TSPAN12: variants seen among roughly 807,000 people sequenced by gnomAD.
The protein encoded by TSPAN12 is tetraspanin-12.
In TSPAN12, 19 loss-of-function variants were observed where a neutral mutation model predicts 39.2. That is an observed-to-expected ratio of 0.49 (90% CI 0.34 to 0.71). TSPAN12 has a LOEUF of 0.71. Ranked by LOEUF, TSPAN12 falls within the 30% of genes least tolerant of loss-of-function variation. TSPAN12 has a pLI of 0.01. For synonymous variants in TSPAN12, 119 were observed against 124.8 expected (o/e 0.95, Z 0.31); for missense variants, 314 against 359.9 (o/e 0.87, Z 1.03).
intron 7 of TSPAN12, among the ~76,000 whole-genome samples, chr7:120,799,863 A>G (rs926079742): frequency 7.8e-5 from 11 of 140,308 alleles, no homozygotes; most frequent in African/African-American, 2.6e-4. Context: ...AATAATTAAT[A>G]TGATATATTA....
chr7:120,814,977 T>C (rs932879591), intron 5 of TSPAN12, among the ~76,000 whole-genome samples: 1 of 152,192 alleles, frequency 6.6e-6, no homozygotes, highest in Non-Finnish European at 1.5e-5. Context: ...CAGTCAGCAT[T>C]TTATAAGACT....
intron 7 of TSPAN12, among the ~76,000 whole-genome samples, chr7:120,799,681 A>T (rs1584925175): frequency 9.2e-6 from 1 of 109,234 alleles, no homozygotes; most frequent in Non-Finnish European, 1.7e-5. Context: ...AATTAAATAT[A>T]TATAATTTAA....
chr7:120,857,371 C>CGGGGCGGGGGCGGGGGCG (rs879631766), intron 1 of TSPAN12: 1 of 154,746 alleles, frequency 6.5e-6, no homozygotes, highest in African/African-American at 2.4e-5. Flanking sequence ...ACTGGGGCGG[C>CGGGGCGGGGGCGGGGGCG]GGGGCGGGGG....
At chr7:120,812,211 A>G (rs1793996201) in intron 5 of TSPAN12, among the ~76,000 whole-genome samples, 1 of 152,208 alleles carries the variant, frequency 6.6e-6, no homozygotes, top group South Asian at 2.1e-4. Context: ...GTAATACAAT[A>G]CAATACAACA....
chr7:120,824,909 T>C (rs1328272694), intron 4 of TSPAN12, among the ~76,000 whole-genome samples: 1 of 152,208 alleles, frequency 6.6e-6, no homozygotes, highest in African/African-American at 2.4e-5. Context: ...TTTCAATTAC[T>C]AAGAGCATGT....
At chr7:120,818,913 C>T (rs1026350871) in intron 4 of TSPAN12, among the ~76,000 whole-genome samples, 4 of 151,928 alleles carry the variant, frequency 2.6e-5, no homozygotes, top group Admixed American at 6.6e-5. Flanking sequence ...AATTTTTATC[C>T]GACCTTTCTT....
intron 4 of TSPAN12, among the ~76,000 whole-genome samples, chr7:120,837,564 G>C (rs536928584): frequency 6.6e-6 from 1 of 151,928 alleles, no homozygotes; most frequent in African/African-American, 2.4e-5. Context: ...TGCCTGCCTC[G>C]GCCTCCCAAA....
rs191656437 is a variant in TSPAN12, at chr7:120,807,759, C to T, written c.469-1067G>A. On this transcript the variant is annotated intron_variant, in intron 6 of 7. Coordinates refer to ENST00000222747, the MANE Select transcript of TSPAN12 (RefSeq NM_012338.4). ...AAAGTATTTTGCGTTGTTACACTGG[C>T]CTAAATGTCTGATTTTTAAACAGAA... 1.2e-3 allele frequency among the ~76,000 whole-genome samples: 176 copies of T among 151,950 alleles called. 1 individual carries two copies. The highest frequency in any genetic ancestry group is 2.0e-3 in the Non-Finnish European group (134 of 67,940).
In TSPAN12 at chr7:120,858,071, T is replaced by A. The variant is rs1411830070; in HGVS notation, c.-322A>T. On this transcript the variant is annotated 5_prime_UTR_variant, in exon 1 of 8. Transcript: ENST00000222747. ...GCTAAGCCACCTCCCAGCGCCGCTG[T>A]CCCTCCCAAGTCCTCTCCGAGTCCG... 1 of 151,118 alleles carries A rather than the reference T, an allele frequency of 6.6e-6. No individual in the cohort carries two copies. Among genetic ancestry groups the A allele is most frequent in the Non-Finnish European group, 1.5e-5 (1 of 68,014 alleles). 9.4% of individuals were successfully genotyped at this position (151,118 alleles called of 1,614,324 possible).
intron 4 of TSPAN12, among the ~76,000 whole-genome samples, chr7:120,825,417 AT>A (rs1794268055): frequency 1.3e-5 from 2 of 152,198 alleles, no homozygotes; most frequent in Non-Finnish European, 1.5e-5. Flanking sequence ...ACTAAAAGTT[AT>A]TTCAAAATAT....
intron 5 of TSPAN12, 111 bp from the exon 6 acceptor site, chr7:120,810,681 TCTA>T: frequency 1.4e-6 from 1 of 731,556 alleles, no homozygotes; most frequent in East Asian, 2.6e-5. Context: ...CGGAATGTCT[TCTA>T]ATTGACAAAT....
chr7:120,814,252 A>G, intron 5 of TSPAN12: 1 of 456,696 alleles, frequency 2.2e-6, no homozygotes, highest in Non-Finnish European at 4.4e-6. Flanking sequence ...TTCGCTCTGA[A>G]ACAAAGACAA....
chr7:120,803,006 A>G (rs1293671267), intron 7 of TSPAN12, among the ~76,000 whole-genome samples: 1 of 152,170 alleles, frequency 6.6e-6, no homozygotes, highest in Non-Finnish European at 1.5e-5. Context: ...TTTATCTCTG[A>G]GCTTACAGAA....
Position 120,792,193 on chromosome 7 carries a change from C to T in TSPAN12, c.613-3296G>A, listed in dbSNP as rs1446380018. On this transcript the variant is annotated intron_variant, in intron 7 of 7. Transcript: ENST00000222747. ...TCCTGGTGAGAACTGGCAGCCTAGC[C>T]GCCACCAGAGGGCGCAGAATGGGGT... Among the ~76,000 whole-genome samples the T allele has an allele frequency of 5.9e-5, 9 of 152,136 alleles. No individual in the cohort carries two copies. In the East Asian group the frequency reaches 7.7e-4, roughly 13 times the overall value.
At chr7:120,792,047 AG>A (rs1329864506) in intron 7 of TSPAN12, among the ~76,000 whole-genome samples, 3 of 152,158 alleles carry the variant, frequency 2.0e-5, no homozygotes, top group African/African-American at 7.2e-5. Context: ...CGGCAATCTG[AG>A]GAGCGTTTAT....
At chr7:120,853,057 C>G (rs557646583) in intron 2 of TSPAN12, among the ~76,000 whole-genome samples, 1 of 151,228 alleles carries the variant, frequency 6.6e-6, no homozygotes, top group Non-Finnish European at 1.5e-5. Context: ...GCCTATTATA[C>G]ATTTCATACT....
chr7:120,792,783 A>G (rs1420106784), intron 7 of TSPAN12, among the ~76,000 whole-genome samples: 2 of 152,234 alleles, frequency 1.3e-5, no homozygotes, highest in Non-Finnish European at 2.9e-5. Context: ...GGAGAGGTGG[A>G]AAAGTCTGAT....
intron 7 of TSPAN12, among the ~76,000 whole-genome samples, chr7:120,792,590 CCCTTGGTAAAGGCCGGGAGA>C (rs1263927930): frequency 2.0e-5 from 3 of 152,154 alleles, no homozygotes; most frequent in African/African-American, 7.2e-5. Flanking sequence ...GCTCTGTGCA[CCCTTGGTAAAGGCCGGGAGA>C]CTCACTGGTT....
chr7:120,830,347 C>A (rs1209231506), intron 4 of TSPAN12, among the ~76,000 whole-genome samples: 2 of 151,850 alleles, frequency 1.3e-5, no homozygotes, highest in Non-Finnish European at 2.9e-5. Flanking sequence ...CCAAAGTAAC[C>A]CTGAGCAAAA....
Sources: gnomAD v4.1 joint callset for allele counts (sites outside exome capture counted in the v4.1 genomes callset) on GRCh38, gnomAD v4.1.1 for gene constraint, MANE v1.5 for transcripts, NCBI Gene and HGNC (gene_info 2026-07-23, HGNC 2026-07-21) for gene names.